WT1: variants seen among roughly 807,000 people sequenced by gnomAD.
The protein encoded by WT1 is Wilms tumor protein.
Under a neutral mutation model 60.8 loss-of-function variants are expected in WT1, and 8 were observed. The ratio of observed to expected loss-of-function variants is 0.13; its 90% CI spans 0.08 to 0.24. The LOEUF (loss-of-function observed/expected upper bound fraction) is 0.24, where lower values mean the gene tolerates loss of function less well. WT1 is among the 10% of genes least tolerant of loss of function. WT1 has a pLI of 1.00. For synonymous variants in WT1, 312 were observed against 297.1 expected (o/e 1.05, Z -0.52); for missense variants, 568 against 711.8 (o/e 0.80, Z 2.30).
At chr11:32,425,611 T>A (rs1853009518) in intron 3 of WT1, among the ~76,000 whole-genome samples, 2 of 152,130 alleles carry the variant, frequency 1.3e-5, no homozygotes, top group African/African-American at 4.8e-5. Context: ...GAAAACTGAA[T>A]GGAAATGTTA....
rs1212259690 is a variant in WT1, at chr11:32,435,351, G to C, written c.10C>G (p.Leu4Val). Residue 4 changes from leucine to valine, a missense_variant, in exon 1 of 10, where the codon CTC becomes GTC. Physicochemically the swap from Leu to Val is conservative, Grantham distance 32 (BLOSUM62 1). This residue lies in a region of WT1 where 523 missense variants were observed against 565.1 expected (regional missense o/e 0.93). Transcript: ENST00000452863. ...GTGGAAGCCGGGTCCTGCAGCAAGA[G>C]GAAGTCCAGGATCGCGGCGAGGAGA... 6.5e-7 allele frequency: 1 copy of C among 1,529,836 alleles called. No individual in the cohort carries two copies. The highest frequency in any genetic ancestry group is 8.7e-7 in the Non-Finnish European group (1 of 1,144,550). 94.8% of individuals were successfully genotyped at this position (1,529,836 alleles called of 1,614,324 possible).
rs111692843 is a variant in WT1, at chr11:32,400,105, T to C, written c.1017-61A>G. On this transcript the variant is annotated intron_variant, in intron 5 of 9. Transcript: ENST00000452863. The stretch of plus-strand genomic sequence containing the variant: ...GCTCACAGTCGCCATTTGGAAATGC[T>C]TATCTGCAATCAGGAGGGAATGATG... 477 of 1,574,162 alleles carry C rather than the reference T, an allele frequency of 3.0e-4. 3 individuals carry two copies. The African/African-American group carries it at 5.5e-3, about 18-fold the overall frequency.
rs1246640941 is a variant in WT1, at chr11:32,432,206, G to T, written c.661+2494C>A. Among the ~76,000 whole-genome samples, 3 of 152,208 alleles carry T rather than the reference G, an allele frequency of 2.0e-5. 1 individual carries two copies. In the South Asian group the frequency reaches 6.2e-4, roughly 31 times the overall value. On this transcript the variant is annotated intron_variant, in intron 1 of 9. Transcript: ENST00000452863. Reference sequence around the variant, plus strand: ...GGTACCAACAATTGCCCCTGCCTGTGCACCATGGCTAGACTGCCCTAGGGA... The same window carrying T: ...GGTACCAACAATTGCCCCTGCCTGTTCACCATGGCTAGACTGCCCTAGGGA...
chr11:32,395,477 C>CT (rs757435741), intron 7 of WT1, among the ~76,000 whole-genome samples: 5,806 of 143,770 alleles, frequency 0.04, 131 homozygotes, highest in Non-Finnish European at 0.06. Context: ...TCTCTCTCTC[C>CT]TTTTTTTTTT....
At chr11:32,404,554 C>T (rs1301028679) in intron 5 of WT1, among the ~76,000 whole-genome samples, 2 of 152,046 alleles carry the variant, frequency 1.3e-5, no homozygotes, top group African/African-American at 2.4e-5. Context: ...TGTCCTGCCA[C>T]AGAGACCACT....
chr11:32,430,926 C>T, intron 1 of WT1: 1 of 999,830 alleles, frequency 1.0e-6, no homozygotes, highest in Non-Finnish European at 1.2e-6. Context: ...AGTGCGGGGG[C>T]AGGGGCCAGG....
At position 32,396,404 on chromosome 11, in the gene WT1, C is replaced by T. The variant is rs747377024; in HGVS notation, c.1117G>A (p.Val373Met). 6.8e-6 allele frequency: 11 copies of T among 1,613,736 alleles called. No individual in the cohort carries two copies. The Admixed American group carries it at 8.3e-5, about 12-fold the overall frequency. ...GGGGCTACTCCAGGCACACGTCGCA[C>T]ATCCTGCAGGCAGAGAGTAAGAGGA... Residue 373 changes from valine (V) to methionine (M), a missense_variant, in exon 7 of 10, where the codon GTG becomes ATG. Coordinates refer to ENST00000452863, the MANE Select transcript of WT1 (RefSeq NM_024426.6).
At chr11:32,413,501 A>G (rs1484370606) in intron 5 of WT1, among the ~76,000 whole-genome samples, 1 of 152,248 alleles carries the variant, frequency 6.6e-6, no homozygotes, top group African/African-American at 2.4e-5. Flanking sequence ...GGAATTACAG[A>G]TTCAACTAAA....
In WT1 at chr11:32,393,763, A is replaced by G. The variant is rs527639495; in HGVS notation, c.1265-1008T>C. ...TCTGCAATGCCTGCTTGGAAACTGC[A>G]TGGGCCAATTTCCCTTCCTTCCCTC... On this transcript the variant is annotated intron_variant, in intron 7 of 9. Coordinates refer to ENST00000452863, the MANE Select transcript of WT1 (RefSeq NM_024426.6). 7.2e-5 allele frequency among the ~76,000 whole-genome samples: 11 copies of G among 152,306 alleles called. No homozygotes were observed. In the South Asian group the frequency reaches 2.1e-3, roughly 29 times the overall value.
chr11:32,433,491 C>T (rs1853377271), intron 1 of WT1, among the ~76,000 whole-genome samples: 1 of 152,216 alleles, frequency 6.6e-6, no homozygotes, highest in African/African-American at 2.4e-5. Context: ...AAGGTACCTC[C>T]TGCAAAAGAT....
chr11:32,396,136 A>C (rs1463506291), intron 7 of WT1, 121 bp downstream of exon 7: 1 of 1,407,962 alleles, frequency 7.1e-7, no homozygotes, highest in East Asian at 2.3e-5. Context: ...CCTGGATCAG[A>C]CCTTTCAAAG....
intron 5 of WT1, among the ~76,000 whole-genome samples, chr11:32,412,911 T>C (rs138254183): frequency 6.6e-6 from 1 of 152,084 alleles, no homozygotes; most frequent in East Asian, 2.0e-4. Flanking sequence ...GTCACACAAG[T>C]ATATCCCACC....
intron 1 of WT1, chr11:32,430,829 G>A: frequency 7.8e-7 from 1 of 1,285,156 alleles, no homozygotes; most frequent in Non-Finnish European, 9.8e-7. Context: ...CGGAGCGGAG[G>A]GAGGTCTCTT....
At position 32,416,665 on chromosome 11, in the gene WT1, T is replaced by C. The variant is rs552023099; in HGVS notation, c.966-125A>G. 31 of 1,229,246 alleles carry C rather than the reference T, an allele frequency of 2.5e-5. No homozygotes were observed. In the South Asian group the frequency reaches 3.0e-4, roughly 12 times the overall value. The allele number at this position is 1,229,246 out of a possible 1,614,324, so 76.1% of individuals were successfully genotyped here. ...GAGACATCAAGCTAGCTATCAAGAG[T>C]GCTGAACTAAGTCCCCAGTCCCACT... On this transcript the variant is annotated intron_variant, in intron 4 of 9. Coordinates refer to ENST00000452863, the MANE Select transcript of WT1 (RefSeq NM_024426.6).
chr11:32,414,106 A>G (rs543937048), intron 5 of WT1, among the ~76,000 whole-genome samples: 2 of 152,350 alleles, frequency 1.3e-5, no homozygotes, highest in Admixed American at 1.3e-4. Flanking sequence ...GATTTACAGT[A>G]TGTTCTACAG....
At chr11:32,430,654 C>A in intron 1 of WT1, 4 of 1,489,348 alleles carry the variant, frequency 2.7e-6, no homozygotes, top group South Asian at 1.3e-5. Context: ...CACCCACTCT[C>A]GAGACGTCCG....
Position 32,427,874 on chromosome 11 carries a change from C to A in WT1, c.887+82G>T, listed in dbSNP as rs5030170. The A allele has an allele frequency of 0.19, 257,474 of 1,383,662 alleles. 33,491 individuals are homozygous for A. Among genetic ancestry groups the A allele is most frequent in the East Asian group, 0.69 (28,134 of 40,538 alleles). 85.7% of individuals were successfully genotyped at this position (1,383,662 alleles called of 1,614,324 possible). On this transcript the variant is annotated intron_variant, in intron 3 of 9. Coordinates refer to ENST00000452863, the MANE Select transcript of WT1 (RefSeq NM_024426.6). Reference sequence around the variant, plus strand: ...CATGCCCGCAGTCAGGGCTGCCCGGCTGGGGCGTTCCCAAGTCCGCCGGCT... The same window carrying A: ...CATGCCCGCAGTCAGGGCTGCCCGGATGGGGCGTTCCCAAGTCCGCCGGCT...
chr11:32,429,087 T>C (rs1853172793), intron 1 of WT1: 1 of 279,174 alleles, frequency 3.6e-6, no homozygotes, highest in Non-Finnish European at 7.1e-6. Context: ...GCACCAACTT[T>C]CATTAATTAC....
At chr11:32,407,502 C>G (rs1852350698) in intron 5 of WT1, among the ~76,000 whole-genome samples, 1 of 152,170 alleles carries the variant, frequency 6.6e-6, no homozygotes, top group East Asian at 1.9e-4. Flanking sequence ...TGTCATTTCT[C>G]TCTCCCACCT....
Sources: gnomAD v4.1 joint callset for allele counts (sites outside exome capture counted in the v4.1 genomes callset) on GRCh38, gnomAD v4.1.1 for gene constraint, gnomAD v4.1.1 regional missense constraint, MANE v1.5 for transcripts, NCBI Gene and HGNC (gene_info 2026-07-23, HGNC 2026-07-21) for gene names.